Variants in FOXM1 observed in about 807,000 individuals in gnomAD.
FOXM1 encodes forkhead box M1.
A neutral mutation model predicts 63.6 loss-of-function variants in FOXM1; 25 were observed. The observed-to-expected ratio is 0.39, with a 90% CI of 0.29 to 0.55. The LOEUF (loss-of-function observed/expected upper bound fraction) is 0.55, where lower values mean the gene tolerates loss of function less well. Among genes scored for constraint, FOXM1 ranks in the 20% least tolerant of loss-of-function variants. The probability of loss-of-function intolerance (pLI) is 0.60; values close to 1 mark genes in which losing one functional copy is unlikely to be tolerated. For synonymous variants in FOXM1, 387 were observed against 376.9 expected, an observed-to-expected ratio of 1.03 and a Z score of -0.31; for missense variants, 879 against 958.7, an observed-to-expected ratio of 0.92 and a Z score of 1.10.
Position 2,859,180 on chromosome 12 carries a change from G to C in FOXM1, c.1750C>G (p.Pro584Ala). The C allele has an allele frequency of 6.2e-7, 1 of 1,609,924 alleles. No individual in the cohort carries two copies. Among genetic ancestry groups the C allele is most frequent in the Non-Finnish European group, 8.5e-7 (1 of 1,177,626 alleles). ...TGGGAGTAGCTGAGCTGGGAGGCAG[G>C]GTCAGAGGAGTCTGCTGGGAACGGG... is the stretch of plus-strand genomic sequence containing the variant. ...ELPFPADSSD[P>A]ASQLSYSQEV... Residue 584 changes from proline (P) to alanine (A), a missense_variant, in exon 9 of 9, where the codon CCT becomes GCT. By Grantham distance (27) the Pro-to-Ala change is conservative. Around this residue, in one of 4 missense-constraint regions of FOXM1, gnomAD observed 486 missense variants for 453.5 expected, o/e 1.07. Coordinates refer to ENST00000359843, the MANE Select transcript of FOXM1 (RefSeq NM_021953.4).
intron 3 of FOXM1, among the ~76,000 whole-genome samples, chr12:2,869,656 C>T (rs1214234381): frequency 2.6e-5 from 4 of 151,880 alleles, no homozygotes; most frequent in African/African-American, 4.8e-5. Flanking sequence ...AGGCTAGTCT[C>T]GAACTCCTGA....
intron 5 of FOXM1, among the ~76,000 whole-genome samples, chr12:2,865,864 G>A (rs1185633526): frequency 6.6e-6 from 1 of 151,900 alleles, no homozygotes; most frequent in African/African-American, 2.4e-5. Flanking sequence ...TGTTGGTCAG[G>A]CTGGTCTCCA....
At chr12:2,866,064 C>T (rs1782487089) in intron 5 of FOXM1, among the ~76,000 whole-genome samples, 1 of 152,166 alleles carries the variant, frequency 6.6e-6, no homozygotes, top group African/African-American at 2.4e-5. Flanking sequence ...AAATCAAGAG[C>T]CCCAAGAGAG....
rs71057842 is a variant in FOXM1 at position 2,862,708 on chromosome 12, AT to A, written c.1266+1611del. On this transcript the variant is annotated intron_variant, in intron 8 of 8. Transcript: ENST00000359843. ...AAAATGCCTGGCTAATTAAAAAAAAATTTTTTTTTTTTTGTTACAGACAGGG... is the reference window on the plus strand; with the variant it reads ...AAAATGCCTGGCTAATTAAAAAAAAATTTTTTTTTTTTGTTACAGACAGGG... 4.1e-4 allele frequency among the ~76,000 whole-genome samples: 60 copies of A among 147,188 alleles called. 1 individual carries two copies. Among genetic ancestry groups the A allele is most frequent in the African/African-American group, 5.0e-4 (20 of 40,182 alleles).
chr12:2,860,588 AG>A (rs28918679), intron 8 of FOXM1, among the ~76,000 whole-genome samples: 272 of 152,328 alleles, frequency 1.8e-3, no homozygotes, highest in Non-Finnish European at 2.3e-3. Context: ...GAGCTCTCAC[AG>A]GGGGCTGGGT....
chr12:2,859,967 G>A lies in FOXM1; in HGVS notation c.1267-304C>T, dbSNP rs530458599. ...AACCTTAGGCTGCTCTGATGGTAGC[G>A]GGTAGTGACATTATTGTCACTAAAG... On this transcript the variant is annotated intron_variant, in intron 8 of 8. Coordinates refer to ENST00000359843, the MANE Select transcript of FOXM1 (RefSeq NM_021953.4). Among the ~76,000 whole-genome samples, 8 of 152,146 alleles carry A rather than the reference G, an allele frequency of 5.3e-5. No individual in the cohort carries two copies. The East Asian group carries it at 5.8e-4, about 11-fold the overall frequency.
rs2098136643 is a variant in FOXM1 at position 2,873,423 on chromosome 12, G to GAAA, written c.502+551_502+553dup. On this transcript the variant is annotated intron_variant, in intron 2 of 8. Transcript: ENST00000359843. ...CAAAAAAAAAAAAAAAAAAAAGAAG[G>GAAA]AAAATGAAGTCAGGCGCTGTCGTTC... Among the ~76,000 whole-genome samples, 3 of 147,632 alleles carry GAAA rather than the reference G, an allele frequency of 2.0e-5. No individual in the cohort carries two copies. In the South Asian group the frequency reaches 6.4e-4, roughly 32 times the overall value.
intron 4 of FOXM1, 97 bp downstream of exon 4, chr12:2,868,466 G>T: frequency 3.7e-6 from 3 of 809,494 alleles, no homozygotes; most frequent in Non-Finnish European, 6.0e-6. Flanking sequence ...AGTGTCCTTT[G>T]CACTTAACTG....
rs1202377789 is a variant in FOXM1 at position 2,858,601 on chromosome 12, T to C, written c.*37A>G. The C allele has an allele frequency of 3.8e-6, 6 of 1,582,308 alleles. No individual in the cohort carries two copies. The highest frequency in any genetic ancestry group is 5.2e-6 in the Non-Finnish European group (6 of 1,160,070). On this transcript the variant is annotated 3_prime_UTR_variant, in exon 9 of 9. Coordinates refer to ENST00000359843, the MANE Select transcript of FOXM1 (RefSeq NM_021953.4). ...GCACTGAGCCTTGGAGTGCCCGGGATGGTGGACAGCTTGAGCACAGGGGCA... is the reference window on the plus strand; with the variant it reads ...GCACTGAGCCTTGGAGTGCCCGGGACGGTGGACAGCTTGAGCACAGGGGCA...
chr12:2,873,734 C>T (rs1279925937), intron 2 of FOXM1, among the ~76,000 whole-genome samples: 4 of 151,982 alleles, frequency 2.6e-5, no homozygotes, highest in Admixed American at 6.6e-5. Context: ...TGTGCCACCA[C>T]GCTCGGCTAG....
chr12:2,869,469 CTT>C (rs2098129128), intron 3 of FOXM1, among the ~76,000 whole-genome samples: 1 of 150,246 alleles, frequency 6.7e-6, no homozygotes, highest in Admixed American at 6.7e-5. Flanking sequence ...GAGTTTCACT[CTT>C]GTTGCCCAGG....
chr12:2,866,636 CGTCTGGT>C, intron 4 of FOXM1, 115 bp from the exon 5 acceptor site: 6 of 1,119,570 alleles, frequency 5.4e-6, no homozygotes, highest in Non-Finnish European at 7.2e-6. Flanking sequence ...GCACAGGCTT[CGTCTGGT>C]GTCTTTGCAG....
intron 2 of FOXM1, among the ~76,000 whole-genome samples, chr12:2,873,580 A>ATTT (rs201213340): frequency 2.7e-5 from 4 of 145,512 alleles, no homozygotes; most frequent in African/African-American, 2.6e-5. Context: ...TTCTTTTTTC[A>ATTT]TTTTTATTTT....
chr12:2,868,468 A>G (rs763076588), intron 4 of FOXM1, 95 bp downstream of exon 4: 2 of 834,974 alleles, frequency 2.4e-6, no homozygotes, highest in Non-Finnish European at 3.8e-6. Flanking sequence ...TGTCCTTTGC[A>G]CTTAACTGCT....
chr12:2,861,180 A>T (rs1344302212), intron 8 of FOXM1: 2 of 585,622 alleles, frequency 3.4e-6, no homozygotes, highest in African/African-American at 4.0e-5. Flanking sequence ...AAAAAAAAAA[A>T]AAGAGCTCTC....
At position 2,872,325 on chromosome 12, in the gene FOXM1, G is replaced by GC. The variant is rs1337389394; in HGVS notation, c.503-79dup. ...GTGTGTCCATCAGAATTGGTGGCTA[G>GC]CAGGCCGGGTGCAGTGGCTCACACC... On this transcript the variant is annotated intron_variant, in intron 2 of 8. Transcript: ENST00000359843. The surrounding 1 kb of genome is among the most constrained non-coding windows in gnomAD (Gnocchi z 4.0). 7.3e-6 allele frequency: 11 copies of GC among 1,514,470 alleles called. No homozygotes were observed. Among genetic ancestry groups the GC allele is most frequent in the Non-Finnish European group, 1.0e-5 (11 of 1,099,288 alleles). 93.8% of individuals were successfully genotyped at this position (1,514,470 alleles called of 1,614,324 possible). A position where few individuals can be genotyped will look rare whatever the true frequency, so the allele number is the denominator to read the frequency against.
chr12:2,858,787 T>C lies in FOXM1; in HGVS notation c.2143A>G (p.Asn715Asp). 1.2e-6 allele frequency: 2 copies of C among 1,614,200 alleles called. No homozygotes were observed. Among genetic ancestry groups the C allele is most frequent in the Non-Finnish European group, 1.7e-6 (2 of 1,180,034 alleles). ...ACCAGGCCTTCTGTCAGAGAACGAT[T>C]GGCTGCAAGGCCAGAAACCTGTGGC... ...PEPQVSGLAA[N>D]RSLTEGLVLD... is the part of the protein sequence containing the mutation. Residue 715 changes from asparagine to aspartate, a missense_variant, in exon 9 of 9, where the codon AAT becomes GAT. By Grantham distance (23) the Asn-to-Asp change is conservative. Around this residue, in one of 4 missense-constraint regions of FOXM1, gnomAD observed 486 missense variants for 453.5 expected, o/e 1.07. Transcript: ENST00000359843.
intron 8 of FOXM1, among the ~76,000 whole-genome samples, chr12:2,860,042 T>A (rs936978888): frequency 1.3e-5 from 2 of 151,024 alleles, no homozygotes. Flanking sequence ...AAAAAAAAAA[T>A]GAAAACCTTA....
Position 2,872,035 on chromosome 12 carries a change from C to G in FOXM1, c.654+61G>C. The G allele has an allele frequency of 6.3e-7, 1 of 1,576,984 alleles. No individual in the cohort carries two copies. The highest frequency in any genetic ancestry group is 1.1e-5 in the South Asian group (1 of 90,276). On this transcript the variant is annotated intron_variant, in intron 3 of 8. Transcript: ENST00000359843. The surrounding 1 kb of genome is among the most constrained non-coding windows in gnomAD (Gnocchi z 4.0). ...GTCCATCAGGCCACTTGATCCATTT[C>G]CCTACCTAGGAATTCCCTACACTGG...
Sources: gnomAD v4.1 joint callset for allele counts (sites outside exome capture counted in the v4.1 genomes callset) on GRCh38, gnomAD v4.1.1 for gene constraint, gnomAD v4.1.1 regional missense constraint, Gnocchi (gnomAD v3.1) non-coding constraint, MANE v1.5 for transcripts, NCBI Gene and HGNC (gene_info 2026-07-23, HGNC 2026-07-21) for gene names.